The following EYS variants were observed in gnomAD, a reference collection of about 807,000 sequenced individuals.
The protein encoded by EYS is protein eyes shut homolog.
A neutral mutation model predicts 282.1 loss-of-function variants in EYS; 250 were observed. That is an observed-to-expected ratio of 0.89 (90% confidence interval 0.80 to 0.98). The LOEUF (loss-of-function observed/expected upper bound fraction) is 0.98, where lower values mean the gene tolerates loss of function less well. Among genes scored for constraint, EYS ranks in the 50% least tolerant of loss-of-function variants. The probability of loss-of-function intolerance (pLI) is 0.00; values close to 1 mark genes in which losing one functional copy is unlikely to be tolerated. For missense variants in EYS, 4,016 were observed against 3,709.0 expected (o/e 1.08, Z -2.15); for synonymous variants, 1,355 against 1,282.9 (o/e 1.06, Z -1.20).
At chr6:65,331,690 T>C (rs913129959) in intron 11 of EYS, 1 of 979,598 alleles carries the variant, frequency 1.0e-6, no homozygotes, top group Non-Finnish European at 1.2e-6. Flanking sequence ...ATAATTTTCT[T>C]AGTAAATAAA....
At chr6:65,231,349 A>G (rs1766778649) in intron 12 of EYS, among the ~76,000 whole-genome samples, 1 of 151,470 alleles carries the variant, frequency 6.6e-6, no homozygotes, top group Non-Finnish European at 1.5e-5. Context: ...GAATATATGC[A>G]TGTATTTATT....
intron 31 of EYS, among the ~76,000 whole-genome samples, chr6:64,094,615 T>A (rs974984585): frequency 1.3e-5 from 2 of 152,118 alleles, no homozygotes; most frequent in Non-Finnish European, 2.9e-5. Context: ...CCTTTATCAT[T>A]TTTTTATTGC....
intron 31 of EYS, among the ~76,000 whole-genome samples, chr6:64,149,033 A>G (rs1056603657): frequency 3.3e-5 from 5 of 152,160 alleles, no homozygotes; most frequent in Admixed American, 1.3e-4. Flanking sequence ...TACCCCACAC[A>G]CTATCAATAT....
At chr6:65,233,143 CT>C (rs1403209434) in intron 12 of EYS, among the ~76,000 whole-genome samples, 5 of 152,002 alleles carry the variant, frequency 3.3e-5, no homozygotes, top group African/African-American at 4.8e-5. Flanking sequence ...GCTTTGAAGT[CT>C]TTTTTGGCTA....
intron 31 of EYS, among the ~76,000 whole-genome samples, chr6:64,152,275 T>C (rs1291611035): frequency 6.6e-6 from 1 of 152,166 alleles, no homozygotes; most frequent in Admixed American, 6.5e-5. Flanking sequence ...GTTTAGATTA[T>C]GAGGAAGAAA....
intron 1 of EYS, among the ~76,000 whole-genome samples, chr6:65,693,551 CA>C (rs1163121580): frequency 1.4e-5 from 2 of 146,768 alleles, no homozygotes; most frequent in Non-Finnish European, 1.5e-5. Flanking sequence ...CATGAGGTTA[CA>C]AAAAAAACCT....
intron 5 of EYS, among the ~76,000 whole-genome samples, chr6:65,444,016 C>T (rs1223651612): frequency 1.3e-5 from 2 of 151,560 alleles, no homozygotes; most frequent in African/African-American, 4.8e-5. Context: ...ATTATTAAAG[C>T]ATGGTTCAAT....
At chr6:64,309,063 A>T (rs906652291) in intron 29 of EYS, among the ~76,000 whole-genome samples, 9 of 152,070 alleles carry the variant, frequency 5.9e-5, no homozygotes, top group African/African-American at 1.7e-4. Flanking sequence ...GTTTACTATT[A>T]AAAAAATGAT....
intron 12 of EYS, among the ~76,000 whole-genome samples, chr6:65,192,710 T>G (rs1295471149): frequency 6.6e-6 from 1 of 151,838 alleles, no homozygotes; most frequent in East Asian, 1.9e-4. Context: ...ATGAGATGAC[T>G]AGGTCATTAA....
At chr6:65,023,886 A>G (rs547800304) in intron 13 of EYS, among the ~76,000 whole-genome samples, 1 of 152,330 alleles carries the variant, frequency 6.6e-6, no homozygotes, top group Admixed American at 6.5e-5. Flanking sequence ...GCTGAATTCA[A>G]ATTCTAGGTT....
intron 12 of EYS, among the ~76,000 whole-genome samples, chr6:65,183,538 A>T (rs1765443487): frequency 6.6e-6 from 1 of 151,940 alleles, no homozygotes; most frequent in African/African-American, 2.4e-5. Context: ...TTGGAAATAC[A>T]GTATGTTCTC....
chr6:65,509,447 T>C (rs1766783132), intron 2 of EYS, among the ~76,000 whole-genome samples: 7 of 152,240 alleles, frequency 4.6e-5, no homozygotes, highest in Admixed American at 4.6e-4. Flanking sequence ...TTTATTGTGG[T>C]TTAATTTAAT....
intron 2 of EYS, among the ~76,000 whole-genome samples, chr6:65,590,923 T>C (rs1310381406): frequency 2.6e-5 from 4 of 151,936 alleles, no homozygotes; most frequent in Non-Finnish European, 4.4e-5. Flanking sequence ...TTGTGAATAG[T>C]GCTACAATAA....
At chr6:64,267,774 C>A (rs1035694089) in intron 30 of EYS, among the ~76,000 whole-genome samples, 11 of 151,896 alleles carry the variant, frequency 7.2e-5, no homozygotes, top group Non-Finnish European at 1.3e-4. Flanking sequence ...AAGGTCAGAA[C>A]ACAGAAAAGG....
intron 12 of EYS, among the ~76,000 whole-genome samples, chr6:65,257,865 A>G (rs1413012332): frequency 6.6e-6 from 1 of 152,020 alleles, no homozygotes; most frequent in Non-Finnish European, 1.5e-5. Flanking sequence ...GCAGGGAAGG[A>G]GAAAAGTAAA....
intron 18 of EYS, among the ~76,000 whole-genome samples, chr6:64,890,224 G>T (rs1767244605): frequency 2.0e-5 from 3 of 152,032 alleles, no homozygotes. Context: ...CAATGACAAT[G>T]GTGCCCAAAA....
At position 63,850,478 on chromosome 6, in the gene EYS, GTC is replaced by G. The variant is rs1562059358; in HGVS notation, c.7228+13706_7228+13707del. 2.0e-5 allele frequency among the ~76,000 whole-genome samples: 3 copies of G among 152,294 alleles called. No individual in the cohort carries two copies. The South Asian group carries it at 6.2e-4, about 32-fold the overall frequency. ...GAAGCCCATCAGACTAACAGTGGAT[GTC>G]TCTGCAGAAACCCTACAAGCCAGAA... On this transcript the variant is annotated intron_variant, in intron 36 of 42. Coordinates refer to ENST00000503581, the MANE Select transcript of EYS (RefSeq NM_001142800.2).
At chr6:64,402,496 T>C (rs1561974727) in intron 28 of EYS, among the ~76,000 whole-genome samples, 1 of 152,192 alleles carries the variant, frequency 6.6e-6, no homozygotes, top group African/African-American at 2.4e-5. Flanking sequence ...GACCTTTTCA[T>C]TTGCAGGAAG....
At chr6:65,389,930 C>A (rs2150355498) in intron 7 of EYS, among the ~76,000 whole-genome samples, 1 of 151,894 alleles carries the variant, frequency 6.6e-6, no homozygotes, top group South Asian at 2.1e-4. Flanking sequence ...AAAATGGGGA[C>A]CTGCAGGGGG....
Sources: allele counts gnomAD v4.1 joint callset (sites outside exome capture counted in the v4.1 genomes callset), GRCh38; gene constraint gnomAD v4.1.1; transcripts MANE v1.5; gene names NCBI Gene and HGNC (gene_info 2026-07-23, HGNC 2026-07-21).